ELF2: variants seen among roughly 807,000 people sequenced by gnomAD.
ELF2 encodes ETS-related transcription factor Elf-2.
A neutral mutation model predicts 54.8 loss-of-function variants in ELF2; 11 were observed. The ratio of observed to expected loss-of-function variants is 0.20; its 90% CI spans 0.13 to 0.33. The LOEUF (loss-of-function observed/expected upper bound fraction) is 0.33, where lower values mean the gene tolerates loss of function less well. Among genes scored for constraint, ELF2 ranks in the 10% least tolerant of loss-of-function variants. ELF2 has a pLI of 1.00. For missense variants in ELF2, 513 were observed against 703.0 expected (o/e 0.73, Z 3.06); for synonymous variants, 203 against 245.1 (o/e 0.83, Z 1.61).
chr4:139,088,172 AG>A lies in ELF2; in HGVS notation c.239-14606del, dbSNP rs550625824. 9.6e-3 allele frequency among the ~76,000 whole-genome samples: 1,459 copies of A among 151,846 alleles called. 25 individuals are homozygous for A. Among genetic ancestry groups the A allele is most frequent in the African/African-American group, 0.033 (1,384 of 41,382 alleles). ...TGTGGTGGCGCATGCCTGTAGTCCC[AG>A]CTACTTGGGAGACTGAGGCAGGAGA... On this transcript the variant is annotated intron_variant, in intron 4 of 9. Coordinates refer to ENST00000686138, the MANE Select transcript of ELF2 (RefSeq NM_001331036.3).
chr4:139,175,564 T>C (rs1742819010), intron 1 of ELF2, among the ~76,000 whole-genome samples: 1 of 152,238 alleles, frequency 6.6e-6, no homozygotes. Flanking sequence ...TTCTACCTTT[T>C]GAAGAAACTC....
intron 3 of ELF2, among the ~76,000 whole-genome samples, chr4:139,134,140 T>C (rs1243695301): frequency 2.0e-5 from 3 of 152,210 alleles, no homozygotes; most frequent in Non-Finnish European, 2.9e-5. Context: ...TTGCCCTTTA[T>C]TGCTAGTTTA....
intron 1 of ELF2, among the ~76,000 whole-genome samples, chr4:139,172,236 C>T (rs553441262): frequency 6.6e-6 from 1 of 152,332 alleles, no homozygotes; most frequent in East Asian, 1.9e-4. Context: ...TGGTCAACAG[C>T]TAAAGTGTGT....
intron 4 of ELF2, among the ~76,000 whole-genome samples, chr4:139,124,798 C>A (rs79337989): frequency 0.031 from 4,790 of 152,124 alleles, 98 homozygotes; most frequent in Non-Finnish European, 0.049. Flanking sequence ...ATCAATTAGA[C>A]AATGATAGAA....
intron 4 of ELF2, among the ~76,000 whole-genome samples, chr4:139,114,642 C>CTTTCTT (rs1553963916): frequency 9.5e-6 from 1 of 104,854 alleles, no homozygotes. Context: ...TTTTTTCTTT[C>CTTTCTT]TTTTTTTTTT....
intron 4 of ELF2, among the ~76,000 whole-genome samples, chr4:139,103,148 A>G (rs549479335): frequency 1.3e-5 from 2 of 152,302 alleles, no homozygotes; most frequent in South Asian, 4.1e-4. Flanking sequence ...TCATCTACTG[A>G]TAAGAAAATC....
At chr4:139,081,893 A>G (rs964236759) in intron 4 of ELF2, among the ~76,000 whole-genome samples, 42 of 147,164 alleles carry the variant, frequency 2.9e-4, no homozygotes, top group African/African-American at 9.6e-4. Context: ...AACTGTATGT[A>G]AAACATATTC....
chr4:139,080,521 T>C (rs1050980792), intron 4 of ELF2, among the ~76,000 whole-genome samples: 8 of 152,154 alleles, frequency 5.3e-5, no homozygotes, highest in African/African-American at 1.7e-4. Context: ...TTAGGCTAAA[T>C]TTCCAGAAAA....
chr4:139,139,508 G>A lies in ELF2; in HGVS notation c.-251-11C>T. On this transcript the variant is annotated splice_polypyrimidine_tract_variant and intron_variant, in intron 1 of 9. Coordinates refer to ENST00000686138, the MANE Select transcript of ELF2 (RefSeq NM_001331036.3). The stretch of plus-strand genomic sequence containing the variant: ...AGTAGTTCTTTGGAACTGCCAGCGG[G>A]AGGGGAAAAAAGATAATATTAATAT... The A allele has an allele frequency of 2.5e-6, 3 of 1,219,170 alleles. No individual in the cohort carries two copies. In the South Asian group the frequency reaches 1.2e-4, roughly 51 times the overall value. 75.5% of individuals were successfully genotyped at this position (1,219,170 alleles called of 1,614,324 possible).
intron 4 of ELF2, among the ~76,000 whole-genome samples, chr4:139,089,637 A>G (rs1199735938): frequency 6.6e-6 from 1 of 152,242 alleles, no homozygotes; most frequent in African/African-American, 2.4e-5. Context: ...CCATTCTAAA[A>G]TGTATTTTTT....
At chr4:139,161,719 C>A (rs1741174195) in intron 1 of ELF2, among the ~76,000 whole-genome samples, 1 of 149,488 alleles carries the variant, frequency 6.7e-6, no homozygotes, top group South Asian at 2.1e-4. Flanking sequence ...GCCTGTAAAC[C>A]CAGCACTTTG....
chr4:139,131,812 A>C (rs1341283349), intron 3 of ELF2, among the ~76,000 whole-genome samples: 1 of 149,104 alleles, frequency 6.7e-6, no homozygotes, highest in African/African-American at 2.5e-5. Context: ...AAAAAAAAAA[A>C]GAGATAGAAA....
chr4:139,175,980 T>C (rs1482274066), intron 1 of ELF2, among the ~76,000 whole-genome samples: 1 of 152,200 alleles, frequency 6.6e-6, no homozygotes, highest in African/African-American at 2.4e-5. Context: ...GAGTCCTTTA[T>C]GGACATGGAA....
At position 139,160,236 on chromosome 4, in the gene ELF2, G is replaced by A. The variant is rs115585952; in HGVS notation, c.-252+16731C>T. Among the ~76,000 whole-genome samples the A allele has an allele frequency of 9.5e-3, 1,442 of 152,274 alleles. 23 individuals are homozygous for A. The highest frequency in any genetic ancestry group is 0.033 in the African/African-American group (1,383 of 41,556). On this transcript the variant is annotated intron_variant, in intron 1 of 9. Transcript: ENST00000686138. Reference sequence around the variant, plus strand: ...CCTGTAGTCAGTTACTGGGAACACTGTGAGAGCCAAGTTCTCAGATGCCAG... The same window carrying A: ...CCTGTAGTCAGTTACTGGGAACACTATGAGAGCCAAGTTCTCAGATGCCAG...
chr4:139,114,240 AT>A (rs1015540541), intron 4 of ELF2, among the ~76,000 whole-genome samples: 33 of 152,166 alleles, frequency 2.2e-4, no homozygotes, highest in African/African-American at 7.5e-4. Flanking sequence ...TGGTTATATG[AT>A]TTTTTTACTT....
At chr4:139,139,564 G>T in intron 1 of ELF2, 67 bp from the exon 2 acceptor site, 1 of 840,814 alleles carries the variant, frequency 1.2e-6, no homozygotes, top group African/African-American at 1.8e-5. Flanking sequence ...TGCTCAAACA[G>T]ATGTGATTGA....
chr4:139,091,435 C>T (rs1732565229), intron 4 of ELF2, among the ~76,000 whole-genome samples: 1 of 151,936 alleles, frequency 6.6e-6, no homozygotes, highest in Non-Finnish European at 1.5e-5. Context: ...CATAGCAAAC[C>T]TAAAGAAACT....
chr4:139,115,451 G>A, intron 4 of ELF2: 1 of 972,924 alleles, frequency 1.0e-6, no homozygotes, highest in Non-Finnish European at 1.2e-6. Flanking sequence ...GGCTGGCTGG[G>A]GTTAGCTCGC....
chr4:139,105,209 C>T (rs1734300518), intron 4 of ELF2, among the ~76,000 whole-genome samples: 1 of 152,096 alleles, frequency 6.6e-6, no homozygotes, highest in Non-Finnish European at 1.5e-5. Context: ...CATATATTTA[C>T]TTTAAAGAAC....
Sources: gnomAD v4.1 joint callset for allele counts (sites outside exome capture counted in the v4.1 genomes callset) on GRCh38, gnomAD v4.1.1 for gene constraint, MANE v1.5 for transcripts, NCBI Gene and HGNC (gene_info 2026-07-23, HGNC 2026-07-21) for gene names.